The following DIP2C variants were observed in gnomAD, a reference collection of about 807,000 sequenced individuals.
DIP2C encodes the protein disco-interacting protein 2 homolog C.
In DIP2C, 33 loss-of-function variants were observed where a neutral mutation model predicts 192.4. The observed-to-expected ratio is 0.17, with a 90% CI of 0.13 to 0.23. The LOEUF (loss-of-function observed/expected upper bound fraction) is 0.23. Among genes scored for constraint, DIP2C ranks in the 10% least tolerant of loss-of-function variants. The probability of loss-of-function intolerance (pLI) is 1.00; values close to 1 mark genes in which losing one functional copy is unlikely to be tolerated. For missense variants in DIP2C, 1,537 were observed against 2,110.1 expected (o/e 0.73, Z 5.32); for synonymous variants, 979 against 864.1 (o/e 1.13, Z -2.33).
At chr10:502,908 A>C (rs1314469832) in intron 1 of DIP2C, among the ~76,000 whole-genome samples, 1 of 152,190 alleles carries the variant, frequency 6.6e-6, no homozygotes, top group Non-Finnish European at 1.5e-5. Context: ...CAACAGACTT[A>C]CCACAACTCC....
rs919692518 is a variant in DIP2C at position 482,296 on chromosome 10, G to A, written c.157+4163C>T. On this transcript the variant is annotated intron_variant, in intron 2 of 36. Coordinates refer to ENST00000280886, the MANE Select transcript of DIP2C (RefSeq NM_014974.3). ...CAGTTGGACAGCACAGTGCAAGCCT[G>A]CAGGCCAGAGGCCTCCGGTGCAGAC... Among the ~76,000 whole-genome samples, 3 of 152,190 alleles carry A rather than the reference G, an allele frequency of 2.0e-5. No individual in the cohort carries two copies. The East Asian group carries it at 5.8e-4, about 29-fold the overall frequency.
chr10:644,308 T>C (rs927193748), intron 1 of DIP2C, among the ~76,000 whole-genome samples: 8 of 152,256 alleles, frequency 5.3e-5, no homozygotes, highest in African/African-American at 1.9e-4. Context: ...CAGAAACTCC[T>C]GACTAATTAA....
intron 1 of DIP2C, among the ~76,000 whole-genome samples, chr10:669,795 G>A (rs1217852305): frequency 6.6e-6 from 1 of 152,144 alleles, no homozygotes; most frequent in Non-Finnish European, 1.5e-5. Context: ...AATATTCCAC[G>A]TTTCAGCTTA....
rs574713652 is a variant in DIP2C at position 481,797 on chromosome 10, G to A, written c.157+4662C>T. ...TCCATCCTCGTACCACGGTAGGGAC[G>A]GTCACTCAGTGGGGCGGGGGGAAGT... On this transcript the variant is annotated intron_variant, in intron 2 of 36. Transcript: ENST00000280886. 1.4e-4 allele frequency among the ~76,000 whole-genome samples: 22 copies of A among 152,266 alleles called. No individual in the cohort carries two copies. The East Asian group carries it at 3.5e-3, about 24-fold the overall frequency.
intron 10 of DIP2C, among the ~76,000 whole-genome samples, chr10:396,645 T>G (rs1029357441): frequency 8.6e-5 from 13 of 151,982 alleles, no homozygotes; most frequent in East Asian, 3.9e-4. Context: ...AACTCCTCAC[T>G]AGATCCCAGG....
rs372202240 is a variant in DIP2C, at chr10:382,624, C to G, written c.1991+23G>C. The G allele has an allele frequency of 4.4e-6, 7 of 1,576,618 alleles. No homozygotes were observed. In the Admixed American group the frequency reaches 5.1e-5, roughly 11 times the overall value. On this transcript the variant is annotated intron_variant, in intron 17 of 36. Transcript: ENST00000280886. The stretch of plus-strand genomic sequence containing the variant: ...ATTAGGACTGTCTCTAGGTTATCTA[C>G]GTAAATCAACATGACCCAGTACCTC...
intron 14 of DIP2C, among the ~76,000 whole-genome samples, chr10:386,703 A>C (rs546764838): frequency 6.6e-6 from 1 of 152,366 alleles, no homozygotes; most frequent in African/African-American, 2.4e-5. Context: ...TCGCCAAGAA[A>C]CGGCGAATAC....
chr10:565,653 C>CAT (rs1448957454), intron 1 of DIP2C, among the ~76,000 whole-genome samples: 22 of 152,216 alleles, frequency 1.4e-4, no homozygotes, highest in African/African-American at 5.1e-4. Context: ...CCGTTTGCTA[C>CAT]ATGTAAGCTT....
Position 356,468 on chromosome 10 carries a change from C to T in DIP2C, c.2943G>A (p.Gln981=). The T allele has an allele frequency of 6.2e-7, 1 of 1,612,214 alleles. No homozygotes were observed. The highest frequency in any genetic ancestry group is 8.5e-7 in the Non-Finnish European group (1 of 1,179,946). Residue 981 remains glutamine (Q), a synonymous_variant, in exon 24 of 37, where the codon CAG becomes CAA. Transcript: ENST00000280886. ...FLSEVLQWRA[Q]TTPDHILYTL... ...TGTAGAGGATGTGGTCCGGGGTGGT[C>T]TGTGCTCTCCACTGCAAGACCTCTG...
rs369660876 is a variant in DIP2C, at chr10:290,614, G to A, written c.3987-2193C>T. On this transcript the variant is annotated intron_variant, in intron 32 of 36. Transcript: ENST00000280886. The stretch of plus-strand genomic sequence containing the variant: ...AAGTGGAGTCAAAAGCCAGCGAACC[G>A]TGGGCTTCACCCCAAATGAAGACAG... 4.6e-5 allele frequency among the ~76,000 whole-genome samples: 7 copies of A among 152,338 alleles called. No individual in the cohort carries two copies. The South Asian group carries it at 6.2e-4, about 14-fold the overall frequency.
chr10:336,586 T>C (rs1479775744), intron 29 of DIP2C, among the ~76,000 whole-genome samples: 1 of 152,240 alleles, frequency 6.6e-6, no homozygotes, highest in East Asian at 1.9e-4. Context: ...GACAAACAAC[T>C]GTTACTGGTT....
At chr10:603,298 C>CAAAAAAAAAAAAA (rs71376842) in intron 1 of DIP2C, among the ~76,000 whole-genome samples, 20 of 45,880 alleles carry the variant, frequency 4.4e-4, no homozygotes, top group African/African-American at 1.5e-3. Context: ...GACTCCATCT[C>CAAAAAAAAAAAAA]AAAAAAAAAA....
Position 436,696 on chromosome 10 carries a change from G to C in DIP2C, c.394+4175C>G, listed in dbSNP as rs537763526. Reference sequence around the variant, plus strand: ...CAAGCTCCGCCTCCTGGACATGGTAGGGTGGCCATGCTCCACCCACACCTG... The same window carrying C: ...CAAGCTCCGCCTCCTGGACATGGTACGGTGGCCATGCTCCACCCACACCTG... On this transcript the variant is annotated intron_variant, in intron 4 of 36. Transcript: ENST00000280886. Among the ~76,000 whole-genome samples the C allele has an allele frequency of 7.4e-5, 11 of 148,378 alleles. No homozygotes were observed. In the South Asian group the frequency reaches 2.4e-3, roughly 32 times the overall value.
At chr10:654,368 T>A (rs1856146002) in intron 1 of DIP2C, among the ~76,000 whole-genome samples, 1 of 152,218 alleles carries the variant, frequency 6.6e-6, no homozygotes, top group Admixed American at 6.5e-5. Context: ...CAGGATGATC[T>A]GGCCATTCCA....
At chr10:557,512 G>A (rs1848942371) in intron 1 of DIP2C, among the ~76,000 whole-genome samples, 1 of 151,252 alleles carries the variant, frequency 6.6e-6, no homozygotes, top group South Asian at 2.1e-4. Flanking sequence ...TGTCTCATCT[G>A]TTCCCACGAC....
rs1189935565 is a variant in DIP2C at position 556,111 on chromosome 10, C to T, written c.86-69581G>A. Among the ~76,000 whole-genome samples, 11 of 100,094 alleles carry T rather than the reference C, an allele frequency of 1.1e-4. No homozygotes were observed. The East Asian group carries it at 1.2e-3, about 11-fold the overall frequency. The allele number at this position is 100,094 out of a possible 152,430, so 65.7% of individuals were successfully genotyped here. A position where few individuals can be genotyped will look rare whatever the true frequency, so the allele number is the denominator to read the frequency against. On this transcript the variant is annotated intron_variant, in intron 1 of 36. Transcript: ENST00000280886. ...ACCCCCCCTTCCATAGCCGGATCCC[C>T]GGACAGCAACCACCCACCCCCTTCC...
At chr10:414,736 TGTGTA>T (rs1564679873) in intron 7 of DIP2C, among the ~76,000 whole-genome samples, 74 of 88,272 alleles carry the variant, frequency 8.4e-4, no homozygotes, top group South Asian at 2.6e-3. Flanking sequence ...TGTGTGTGTG[TGTGTA>T]CATATATATA....
At chr10:336,728 T>C (rs138744274) in intron 29 of DIP2C, among the ~76,000 whole-genome samples, 2,131 of 152,318 alleles carry the variant, frequency 0.014, 25 homozygotes, top group Middle Eastern at 0.034. Flanking sequence ...TAGGAGATCA[T>C]GGCTCCGTCT....
intron 17 of DIP2C, among the ~76,000 whole-genome samples, chr10:375,894 C>A (rs376522715): frequency 6.6e-6 from 1 of 152,042 alleles, no homozygotes; most frequent in Non-Finnish European, 1.5e-5. Context: ...CTTATACGGG[C>A]GATCTCCAAT....
Sources: gnomAD v4.1 joint callset for allele counts (sites outside exome capture counted in the v4.1 genomes callset) on GRCh38, gnomAD v4.1.1 for gene constraint, MANE v1.5 for transcripts, NCBI Gene and HGNC (gene_info 2026-07-23, HGNC 2026-07-21) for gene names.